Variants in EXPH5 observed in about 807,000 individuals in gnomAD.
EXPH5 encodes exophilin-5.
In EXPH5, 42 loss-of-function variants were observed where a neutral mutation model predicts 41.1. That is an observed-to-expected ratio of 1.02 (90% confidence interval 0.80 to 1.32). The LOEUF (loss-of-function observed/expected upper bound fraction) is 1.32. EXPH5 is among the 40% of genes most tolerant of loss of function. EXPH5 has a pLI of 0.00. For missense variants in EXPH5, 2,298 were observed against 2,314.5 expected, an observed-to-expected ratio of 0.99 and a Z score of 0.15; for synonymous variants, 798 against 833.5, an observed-to-expected ratio of 0.96 and a Z score of 0.73.
chr11:108,538,454 C>T (rs1377105570), intron 3 of EXPH5, among the ~76,000 whole-genome samples: 1 of 152,222 alleles, frequency 6.6e-6, no homozygotes, highest in African/African-American at 2.4e-5. Flanking sequence ...TCCACTGCTC[C>T]TAAAGCTTCT....
In EXPH5 at chr11:108,564,323, A is replaced by T. The variant is rs1342073541; in HGVS notation, c.120-22511T>A. Among the ~76,000 whole-genome samples the T allele has an allele frequency of 2.6e-5, 4 of 152,258 alleles. No individual in the cohort carries two copies. In the East Asian group the frequency reaches 5.8e-4, roughly 22 times the overall value. ...AGAAATAAAAGGATAGTAAGAGACA[A>T]AACTAAAGATGTTTTCTTGTTATAT... is the stretch of plus-strand genomic sequence containing the variant. On this transcript the variant is annotated intron_variant, in intron 1 of 5. Transcript: ENST00000265843.
At chr11:108,602,554 T>C in the EXPH5 span, among the ~76,000 whole-genome samples, 1 of 152,024 alleles carries the variant, frequency 6.6e-6, no homozygotes, top group Non-Finnish European at 1.5e-5. Context: ...ACTGCCTTTT[T>C]TTTTTTTTTG....
At chr11:108,602,658 C>A in the EXPH5 span, among the ~76,000 whole-genome samples, 1 of 152,032 alleles carries the variant, frequency 6.6e-6, no homozygotes, top group African/African-American at 2.4e-5. Context: ...GCGAGTCTAC[C>A]ATGTTAGTCC....
intron 1 of EXPH5, among the ~76,000 whole-genome samples, chr11:108,569,502 G>A (rs1222832301): frequency 6.6e-6 from 1 of 152,018 alleles, no homozygotes; most frequent in Non-Finnish European, 1.5e-5. Flanking sequence ...ACCATGCCTG[G>A]CTAATTTTTG....
rs1412299114 is a variant in EXPH5 at position 108,514,423 on chromosome 11, T to C, written c.1084A>G (p.Ser362Gly). Residue 362 changes from serine (S) to glycine (G), a missense_variant, in exon 6 of 6, where the codon AGT becomes GGT. Coordinates refer to ENST00000265843, the MANE Select transcript of EXPH5 (RefSeq NM_015065.3). ...GATGATAAAGGAGTTCTCTTTGGAC[T>C]CTGCTGGTGCCTTGGTGGTATAAAC... ...SGFIPPRHQQ[S>G]PKRTPLSSII... is the part of the protein sequence containing the mutation. The C allele has an allele frequency of 6.2e-7, 1 of 1,614,178 alleles. No homozygotes were observed. Among genetic ancestry groups the C allele is most frequent in the Admixed American group, 1.7e-5 (1 of 60,024 alleles).
In EXPH5 at chr11:108,512,010, C is replaced by A. The variant is rs371506200; in HGVS notation, c.3497G>T (p.Ser1166Ile). 1 of 1,592,444 alleles carries A rather than the reference C, an allele frequency of 6.3e-7. No homozygotes were observed. ...AGAACAATCTCTAACAGATGAGTCACTTTCCACAGGGCTAATGATTCTCTC... is the reference window on the plus strand; with the variant it reads ...AGAACAATCTCTAACAGATGAGTCAATTTCCACAGGGCTAATGATTCTCTC... The part of the protein sequence containing the change: ...AWERIISPVE[S>I]DSSVRDCSLT... Residue 1166 changes from serine (S) to isoleucine (I), a missense_variant, in exon 6 of 6, where the codon AGT becomes ATT. Physicochemically the swap from Ser to Ile is moderately radical, Grantham distance 142. Coordinates refer to ENST00000265843, the MANE Select transcript of EXPH5 (RefSeq NM_015065.3).
Position 108,510,835 on chromosome 11 carries a change from C to G in EXPH5, c.4672G>C (p.Glu1558Gln), listed in dbSNP as rs1191526839. 5.6e-6 allele frequency: 9 copies of G among 1,614,212 alleles called. No homozygotes were observed. The highest frequency in any genetic ancestry group is 7.6e-6 in the Non-Finnish European group (9 of 1,180,022). ...NMTESRKAEDEMQKSAWDQPS... is the reference protein window; with the variant it reads ...NMTESRKAEDQMQKSAWDQPS... ...TGATCCCAAGCTGACTTCTGCATTT[C>G]ATCTTCAGCCTTCCTGCTCTCTGTC... The change falls in exon 6 of 6, where the codon GAA becomes CAA. Residue 1558 changes from glutamate to glutamine, a missense_variant. Glu to Gln is a conservative substitution (Grantham distance 29). Transcript: ENST00000265843.
At chr11:108,588,561 T>C (rs909767998) in intron 1 of EXPH5, among the ~76,000 whole-genome samples, 3 of 152,196 alleles carry the variant, frequency 2.0e-5, no homozygotes, top group African/African-American at 4.8e-5. Flanking sequence ...CTTTGTCGAA[T>C]GGAGATAAAG....
chr11:108,511,294 C>A lies in EXPH5; in HGVS notation c.4213G>T (p.Val1405Leu). Residue 1405 changes from valine to leucine, a missense_variant, in exon 6 of 6, where the codon GTA becomes TTA. Val to Leu is a conservative substitution (Grantham distance 32, BLOSUM62 1). Transcript: ENST00000265843. ...CAATTTTCAGATTTTTCTTCGGATA[C>A]ATTTTTTCTCTGAAGCATCAATGAA... ...HTSLMLQRKN[V>L]SEEKSENCQQ... 6.2e-7 allele frequency: 1 copy of A among 1,601,660 alleles called. No homozygotes were observed. The highest frequency in any genetic ancestry group is 1.1e-5 in the South Asian group (1 of 88,042).
intron 1 of EXPH5, chr11:108,567,797 T>A (rs1018335020): frequency 1.2e-4 from 19 of 152,214 alleles, no homozygotes; most frequent in African/African-American, 4.6e-4. Flanking sequence ...CTGCTGAAGA[T>A]CTTATTCTCA....
chr11:108,513,784 G>T lies in EXPH5; in HGVS notation c.1723C>A (p.Pro575Thr), dbSNP rs775714985. ...VSHGNETQLT[P>T]HFGTPNVCSM... ...CAAACATTTGGTGTGCCAAAATGAG[G>T]AGTCAACTGGGTCTCATTACCATGT... The change falls in exon 6 of 6, where the codon CCT (proline) becomes ACT (threonine). Residue 575 changes from proline (P) to threonine (T), a missense_variant. Coordinates refer to ENST00000265843, the MANE Select transcript of EXPH5 (RefSeq NM_015065.3). 1.1e-5 allele frequency: 18 copies of T among 1,600,720 alleles called. No individual in the cohort carries two copies. Among genetic ancestry groups the T allele is most frequent in the Non-Finnish European group, 1.4e-5 (17 of 1,174,864 alleles).
intron 1 of EXPH5, among the ~76,000 whole-genome samples, chr11:108,571,646 A>T (rs2094060449): frequency 1.3e-5 from 2 of 152,186 alleles, no homozygotes; most frequent in Non-Finnish European, 2.9e-5. Context: ...AAATGTAGTA[A>T]TTCAGCCAGC....
intron 1 of EXPH5, among the ~76,000 whole-genome samples, chr11:108,554,657 C>A (rs1239232800): frequency 6.6e-6 from 1 of 152,074 alleles, no homozygotes; most frequent in African/African-American, 2.4e-5. Context: ...CACAGTGGCT[C>A]GGGCCTGTAA....
rs779225336 is a variant in EXPH5, at chr11:108,511,320, G to C, written c.4187C>G (p.Thr1396Ser). ...ATTTTTTCTCTGAAGCATCAATGAAGTATGCAGGGTTTCACTTTGCAACTT... is the reference window on the plus strand; with the variant it reads ...ATTTTTTCTCTGAAGCATCAATGAACTATGCAGGGTTTCACTTTGCAACTT... ...GKKLQSETLH[T>S]SLMLQRKNVS... is the part of the protein sequence containing the mutation. The change falls in exon 6 of 6, where the codon ACT (threonine) becomes AGT (serine). Residue 1396 changes from threonine to serine, a missense_variant. Transcript: ENST00000265843. The C allele has an allele frequency of 1.3e-6, 2 of 1,590,280 alleles. No individual in the cohort carries two copies. Among genetic ancestry groups the C allele is most frequent in the African/African-American group, 2.7e-5 (2 of 73,690 alleles).
chr11:108,595,201 C>T (rs545745976), upstream of EXPH5, among the ~76,000 whole-genome samples: 1 of 152,300 alleles, frequency 6.6e-6, no homozygotes, highest in South Asian at 2.1e-4. Flanking sequence ...CTGTGAACAA[C>T]ACAGTCCTTG....
chr11:108,509,469 G>C lies in EXPH5; in HGVS notation c.*68C>G. The stretch of plus-strand genomic sequence containing the variant: ...AGATCTTTTATCCTTCCATGCACAT[G>C]CACATGTACACCTTAGTTCCATTAT... On this transcript the variant is annotated 3_prime_UTR_variant, in exon 6 of 6. Coordinates refer to ENST00000265843, the MANE Select transcript of EXPH5 (RefSeq NM_015065.3). 1.4e-6 allele frequency: 2 copies of C among 1,404,678 alleles called. No individual in the cohort carries two copies. The highest frequency in any genetic ancestry group is 4.6e-5 in the East Asian group (2 of 43,426). 87.0% of individuals were successfully genotyped at this position (1,404,678 alleles called of 1,614,324 possible).
Position 108,513,814 on chromosome 11 carries a change from C to A in EXPH5, c.1693G>T (p.Val565Leu). The change falls in exon 6 of 6, where the codon GTA (valine) becomes TTA (leucine). Residue 565 changes from valine to leucine, a missense_variant. Transcript: ENST00000265843. Reference sequence around the variant, plus strand: ...AACTGGGTCTCATTACCATGTGATACCACCATGCTATCCAGTGTGGATCTC... The same window carrying A: ...AACTGGGTCTCATTACCATGTGATAACACCATGCTATCCAGTGTGGATCTC... ...FQRSTLDSMV[V>L]SHGNETQLTP... is the part of the protein sequence containing the mutation. 6.2e-7 allele frequency: 1 copy of A among 1,602,814 alleles called. No individual in the cohort carries two copies. The highest frequency in any genetic ancestry group is 1.1e-5 in the South Asian group (1 of 88,098).
upstream of EXPH5, among the ~76,000 whole-genome samples, chr11:108,598,266 T>C (rs142092449): frequency 1.6e-3 from 240 of 152,344 alleles, 1 homozygote; most frequent in Admixed American, 4.1e-3. Context: ...ATGTGCTATT[T>C]ATAAGTTCTT....
intron 1 of EXPH5, among the ~76,000 whole-genome samples, chr11:108,582,217 A>G (rs1170241228): frequency 2.6e-5 from 4 of 152,258 alleles, no homozygotes; most frequent in Admixed American, 2.0e-4. Flanking sequence ...TAATCCCAGC[A>G]CTTTGGGAGG....
Sources: allele counts gnomAD v4.1 joint callset (sites outside exome capture counted in the v4.1 genomes callset), GRCh38; gene constraint gnomAD v4.1.1; transcripts MANE v1.5; gene names NCBI Gene and HGNC (gene_info 2026-07-23, HGNC 2026-07-21).